COL26A1: variants seen among roughly 807,000 people sequenced by gnomAD.
COL26A1 encodes the protein collagen type XXVI alpha 1 chain.
In COL26A1, 41 loss-of-function variants were observed where a neutral mutation model predicts 59.3. The observed-to-expected ratio is 0.69, with a 90% confidence interval of 0.54 to 0.90. The LOEUF is 0.90. COL26A1 is among the 40% of genes least tolerant of loss of function. COL26A1 has a pLI of 0.00. For missense variants in COL26A1, 612 were observed against 602.3 expected, an observed-to-expected ratio of 1.02 and a Z score of -0.17; for synonymous variants, 266 against 256.0, an observed-to-expected ratio of 1.04 and a Z score of -0.37.
At chr7:101,376,595 A>G (rs1584351994) in intron 1 of COL26A1, among the ~76,000 whole-genome samples, 1 of 152,076 alleles carries the variant, frequency 6.6e-6, no homozygotes, top group Non-Finnish European at 1.5e-5. Context: ...AGCTGAGCCC[A>G]CCCTTGCTGC....
rs568593312 is a variant in COL26A1, at chr7:101,521,151, C to T, written c.386-11931C>T. ...AGAGAATGTGTGCAGGGGGAACTGCCACTTTTTAAACCATCAGATCTCATA... is the reference window on the plus strand; with the variant it reads ...AGAGAATGTGTGCAGGGGGAACTGCTACTTTTTAAACCATCAGATCTCATA... On this transcript the variant is annotated intron_variant, in intron 3 of 12. Transcript: ENST00000313669. 9.9e-5 allele frequency among the ~76,000 whole-genome samples: 15 copies of T among 152,242 alleles called. No individual in the cohort carries two copies. In the South Asian group the frequency reaches 1.0e-3, roughly 11 times the overall value.
chr7:101,425,112 C>T (rs147524610), intron 2 of COL26A1, among the ~76,000 whole-genome samples: 2,600 of 147,578 alleles, frequency 0.018, 81 homozygotes, highest in African/African-American at 0.06. Flanking sequence ...TTTGGCCAGG[C>T]GCGGTGGCTC....
chr7:101,552,574 G>A (rs760640906), intron 10 of COL26A1, among the ~76,000 whole-genome samples: 7 of 151,834 alleles, frequency 4.6e-5, no homozygotes, highest in East Asian at 1.9e-4. Context: ...CCATGATCGC[G>A]TCACTATACT....
chr7:101,409,255 T>C (rs1329969219), intron 1 of COL26A1, among the ~76,000 whole-genome samples: 2 of 152,158 alleles, frequency 1.3e-5, no homozygotes. Flanking sequence ...TTTTTCCTGG[T>C]CCTTGAGGGA....
chr7:101,501,444 G>T (rs570675110), intron 3 of COL26A1, among the ~76,000 whole-genome samples: 29 of 152,248 alleles, frequency 1.9e-4, no homozygotes, highest in African/African-American at 6.5e-4. Flanking sequence ...GCTCAGAGGT[G>T]AGACTCCTTG....
At position 101,406,481 on chromosome 7, in the gene COL26A1, G is replaced by C. The variant is rs145284281; in HGVS notation, c.159-13496G>C. Among the ~76,000 whole-genome samples, 560 of 152,286 alleles carry C rather than the reference G, an allele frequency of 3.7e-3. 1 individual carries two copies. Among genetic ancestry groups the C allele is most frequent in the African/African-American group, 0.013 (538 of 41,554 alleles). ...TGACCCGATTTGTGCCAATTTGCTC[G>C]ATGGCAGACAGATGATGGAGAAGTG... On this transcript the variant is annotated intron_variant, in intron 1 of 12. Transcript: ENST00000313669.
rs553355291 is a variant in COL26A1, at chr7:101,435,354, G to A, written c.282-12330G>A. Among the ~76,000 whole-genome samples the A allele has an allele frequency of 7.9e-5, 12 of 152,250 alleles. No homozygotes were observed. In the South Asian group the frequency reaches 1.0e-3, roughly 13 times the overall value. The stretch of plus-strand genomic sequence containing the variant: ...AGACAGCTGTTCAGGCCATGTAGTC[G>A]CCCCTGGAGGAAGCCCCTGGCTGGA... On this transcript the variant is annotated intron_variant, in intron 2 of 12. Coordinates refer to ENST00000313669, the MANE Select transcript of COL26A1 (RefSeq NM_001278563.3).
intron 1 of COL26A1, among the ~76,000 whole-genome samples, chr7:101,384,381 C>G (rs371774249): frequency 5.3e-5 from 8 of 152,042 alleles, no homozygotes; most frequent in Non-Finnish European, 8.8e-5. Context: ...GGATTACAGG[C>G]TTCAGCCAGC....
chr7:101,416,137 G>A lies in COL26A1; in HGVS notation c.159-3840G>A, dbSNP rs368329542. On this transcript the variant is annotated intron_variant, in intron 1 of 12. Coordinates refer to ENST00000313669, the MANE Select transcript of COL26A1 (RefSeq NM_001278563.3). Reference sequence around the variant, plus strand: ...AGCAGGGCATGGTGGCACACGCCTGGAATCCCAGCCCTTTGGGAAGCCGAG... The same window carrying A: ...AGCAGGGCATGGTGGCACACGCCTGAAATCCCAGCCCTTTGGGAAGCCGAG... Among the ~76,000 whole-genome samples, 13 of 143,118 alleles carry A rather than the reference G, an allele frequency of 9.1e-5. No homozygotes were observed. In the East Asian group the frequency reaches 1.7e-3, roughly 19 times the overall value. 93.9% of individuals were successfully genotyped at this position (143,118 alleles called of 152,430 possible). A position where few individuals can be genotyped will look rare whatever the true frequency, so the allele number is the denominator to read the frequency against.
chr7:101,381,622 ACT>A (rs1369069766), intron 1 of COL26A1, among the ~76,000 whole-genome samples: 1 of 152,014 alleles, frequency 6.6e-6, no homozygotes, highest in Non-Finnish European at 1.5e-5. Context: ...GAGAGATTAA[ACT>A]CTAAGCCTCA....
At chr7:101,553,748 CG>C (rs1234333443) in intron 11 of COL26A1, among the ~76,000 whole-genome samples, 2 of 151,980 alleles carry the variant, frequency 1.3e-5, no homozygotes, top group Non-Finnish European at 2.9e-5. Flanking sequence ...AATGGCGTCT[CG>C]GCATGGGCGT....
chr7:101,508,560 T>G (rs1401476177), intron 3 of COL26A1, among the ~76,000 whole-genome samples: 1 of 149,160 alleles, frequency 6.7e-6, no homozygotes, highest in Non-Finnish European at 1.5e-5. Context: ...TAGGGTGGCA[T>G]GAACCAACAA....
At chr7:101,362,614 C>G (rs1790915520), upstream of COL26A1, among the ~76,000 whole-genome samples, 1 of 152,178 alleles carries the variant, frequency 6.6e-6, no homozygotes, top group African/African-American at 2.4e-5. Flanking sequence ...ACAGAATGGG[C>G]GCTCCGAAAG....
At chr7:101,528,943 A>G (rs1795308875) in intron 3 of COL26A1, among the ~76,000 whole-genome samples, 2 of 152,060 alleles carry the variant, frequency 1.3e-5, no homozygotes, top group Admixed American at 6.5e-5. Flanking sequence ...AGCCGGGTGG[A>G]TCACTTGAGG....
chr7:101,519,121 G>A (rs1206402730), intron 3 of COL26A1, among the ~76,000 whole-genome samples: 2 of 152,254 alleles, frequency 1.3e-5, no homozygotes, highest in Non-Finnish European at 2.9e-5. Flanking sequence ...CAGAAGAGGC[G>A]AGCTAAACTC....
intron 3 of COL26A1, among the ~76,000 whole-genome samples, chr7:101,460,598 T>C (rs1793586876): frequency 1.3e-5 from 2 of 151,920 alleles, no homozygotes; most frequent in Admixed American, 1.3e-4. Flanking sequence ...CTGGCCAACA[T>C]GGTGAAAAAT....
At chr7:101,488,386 A>C (rs1324300992) in intron 3 of COL26A1, among the ~76,000 whole-genome samples, 1 of 124,804 alleles carries the variant, frequency 8.0e-6, no homozygotes, top group Non-Finnish European at 1.7e-5. Flanking sequence ...ATACACACAC[A>C]TTTTTTTTTT....
At chr7:101,533,250 G>A (rs6968239) in intron 4 of COL26A1, 107 bp downstream of exon 4, 75,417 of 833,564 alleles carry the variant, frequency 0.09, 4,334 homozygotes, top group African/African-American at 0.22. Context: ...TCCCAGCCCC[G>A]GGTTTCCAAG....
At chr7:101,427,362 TA>T (rs1792673279) in intron 2 of COL26A1, among the ~76,000 whole-genome samples, 1 of 152,120 alleles carries the variant, frequency 6.6e-6, no homozygotes, top group Non-Finnish European at 1.5e-5. Context: ...CACACCTGGT[TA>T]ATTAAAAATT....
Sources: gnomAD v4.1 joint callset for allele counts (sites outside exome capture counted in the v4.1 genomes callset) on GRCh38, gnomAD v4.1.1 for gene constraint, MANE v1.5 for transcripts, NCBI Gene and HGNC (gene_info 2026-07-23, HGNC 2026-07-21) for gene names.